The following CRAMP1 variants were observed in gnomAD, a reference collection of about 807,000 sequenced individuals.
The protein encoded by CRAMP1 is protein cramped-like.
Under a neutral mutation model 115.4 loss-of-function variants are expected in CRAMP1, and 50 were observed. The ratio of observed to expected loss-of-function variants is 0.43; its 90% CI spans 0.35 to 0.55. The LOEUF is 0.55. Ranked by LOEUF, CRAMP1 falls within the 20% of genes least tolerant of loss-of-function variation. The pLI is 0.01. For missense variants in CRAMP1, 1,679 were observed against 1,721.7 expected, an observed-to-expected ratio of 0.98 and a Z score of 0.44; for synonymous variants, 866 against 745.4, an observed-to-expected ratio of 1.16 and a Z score of -2.64.
At chr16:1,617,069 C>G (rs975588253) in intron 2 of CRAMP1, among the ~76,000 whole-genome samples, 5 of 152,040 alleles carry the variant, frequency 3.3e-5, no homozygotes, top group African/African-American at 1.2e-4. Context: ...TGTGATCCTC[C>G]CGCCTCAGCC....
intron 14 of CRAMP1, chr16:1,665,864 A>C (rs2036869827): frequency 1.8e-6 from 1 of 571,166 alleles, no homozygotes; most frequent in African/African-American, 1.9e-5. Flanking sequence ...TGGGAGGCAC[A>C]GTGGTGGGTG....
At position 1,667,342 on chromosome 16, in the gene CRAMP1, A is replaced by G. The variant is rs1307829380; in HGVS notation, c.3044A>G (p.Asp1015Gly). Residue 1015 changes from aspartate to glycine, a missense_variant, in exon 17 of 21, where the codon GAC becomes GGC. Around this residue, in one of 8 missense-constraint regions of CRAMP1, gnomAD observed 709 missense variants for 741.9 expected, o/e 0.96. Transcript: ENST00000397412. ...GGCGTGCTCTTCCTGCAGGGCTCCG[A>G]CCCATTTGTCAGCATCCCTTCGAGG... is the stretch of plus-strand genomic sequence containing the variant. ...GDTLPTVGGS[D>G]PFVSIPSRPE... The G allele has an allele frequency of 1.9e-6, 3 of 1,613,028 alleles. No homozygotes were observed. The highest frequency in any genetic ancestry group is 2.5e-6 in the Non-Finnish European group (3 of 1,179,760).
At chr16:1,628,184 A>G (rs1596484037) in intron 3 of CRAMP1, among the ~76,000 whole-genome samples, 1 of 152,210 alleles carries the variant, frequency 6.6e-6, no homozygotes, top group Non-Finnish European at 1.5e-5. Context: ...TGATCATGTA[A>G]TGCTTTCTGC....
intron 10 of CRAMP1, among the ~76,000 whole-genome samples, chr16:1,659,067 A>C (rs12596340): frequency 0.18 from 27,628 of 151,956 alleles, 3,344 homozygotes; most frequent in African/African-American, 0.33. Flanking sequence ...GGCCTGCACA[A>C]CCCCCAAAGT....
Position 1,637,921 on chromosome 16 carries a change from CTG to C in CRAMP1, c.778+17_778+18del, listed in dbSNP as rs749636201. On this transcript the variant is annotated intron_variant, in intron 5 of 20. Coordinates refer to ENST00000397412, the MANE Select transcript of CRAMP1 (RefSeq NM_020825.4). ...AGATTGGGGGCTGTGAGTACGCTGA[CTG>C]TGGGGTTGCCCACGGCTCCTCCTGT... The C allele has an allele frequency of 2.8e-6, 4 of 1,453,696 alleles. No individual in the cohort carries two copies. The highest frequency in any genetic ancestry group is 3.7e-6 in the Non-Finnish European group (4 of 1,081,654). 90.0% of individuals were successfully genotyped at this position (1,453,696 alleles called of 1,614,324 possible). A position where few individuals can be genotyped will look rare whatever the true frequency, so the allele number is the denominator to read the frequency against.
chr16:1,615,050 A>G, intron 2 of CRAMP1, 65 bp downstream of exon 2: 2 of 994,356 alleles, frequency 2.0e-6, no homozygotes, highest in Non-Finnish European at 2.6e-6. Flanking sequence ...GGGGAGAGGA[A>G]CCCCTCGCCC....
At chr16:1,641,242 C>G in intron 6 of CRAMP1, 55 bp downstream of exon 6, 1 of 1,282,096 alleles carries the variant, frequency 7.8e-7, no homozygotes, top group Non-Finnish European at 1.1e-6. Flanking sequence ...TGTGTTTATT[C>G]TCTAAAATAC....
In CRAMP1 at chr16:1,671,371, C is replaced by CGTGGTTT. The variant is rs2036920693; in HGVS notation, c.3645+566_3645+572dup. 6.6e-6 allele frequency among the ~76,000 whole-genome samples: 1 copy of CGTGGTTT among 152,156 alleles called. No individual in the cohort carries two copies. The highest frequency in any genetic ancestry group is 6.5e-5 in the Admixed American group (1 of 15,276). ...GCAGGTTCTTGAGGGGAAGGCGAAA[C>CGTGGTTT]GTGGTTTGTGACTCTCCACTTTTGA... On this transcript the variant is annotated intron_variant, in intron 20 of 20. Transcript: ENST00000397412. The surrounding 1 kb of genome is among the most constrained non-coding windows in gnomAD (Gnocchi z 5.0).
Position 1,669,940 on chromosome 16 carries a change from G to C in CRAMP1, c.3500-724G>C, listed in dbSNP as rs2036908457. Among the ~76,000 whole-genome samples the C allele has an allele frequency of 6.6e-6, 1 of 152,174 alleles. No homozygotes were observed. Among genetic ancestry groups the C allele is most frequent in the East Asian group, 1.9e-4 (1 of 5,186 alleles). On this transcript the variant is annotated intron_variant, in intron 19 of 20. Coordinates refer to ENST00000397412, the MANE Select transcript of CRAMP1 (RefSeq NM_020825.4). The surrounding 1 kb of genome is among the most constrained non-coding windows in gnomAD (Gnocchi z 4.6). ...TCCTTTTGTCTCATGTAGCAGTGCA[G>C]ATGTTTGGAAAGTCACACGTAAATC...
chr16:1,649,354 G>A (rs1266672215), intron 6 of CRAMP1, among the ~76,000 whole-genome samples: 2 of 152,186 alleles, frequency 1.3e-5, no homozygotes, highest in African/African-American at 2.4e-5. Flanking sequence ...GTAGAGGCAT[G>A]GTCAATGGAT....
chr16:1,652,956 G>T (rs2036737437), intron 7 of CRAMP1, 77 bp from the exon 8 acceptor site: 2 of 1,570,198 alleles, frequency 1.3e-6, no homozygotes, highest in Middle Eastern at 1.7e-4. Flanking sequence ...GATTTCACTG[G>T]TTTTTCTGGC....
In CRAMP1 at chr16:1,665,098, C is replaced by T. The variant is rs754321851; in HGVS notation, c.2712C>T (p.Asn904=). The T allele has an allele frequency of 1.2e-5, 20 of 1,613,198 alleles. No homozygotes were observed. The highest frequency in any genetic ancestry group is 1.1e-4 in the East Asian group (5 of 44,896). The change falls in exon 14 of 21, where the codon AAC becomes AAT. Residue 904 remains asparagine, a synonymous_variant. Transcript: ENST00000397412. Reference sequence around the variant, plus strand: ...GACCATCGGAAAACCAGTCCCACAACGTTTGTTCCTTCTCCATCCTGTCTA... The same window carrying T: ...GACCATCGGAAAACCAGTCCCACAATGTTTGTTCCTTCTCCATCCTGTCTA... ...LPRPSENQSH[N]VCSFSILSNS... is the part of the protein sequence containing the mutation.
chr16:1,647,243 C>T (rs1216313775), intron 6 of CRAMP1, among the ~76,000 whole-genome samples: 1 of 152,180 alleles, frequency 6.6e-6, no homozygotes, highest in African/African-American at 2.4e-5. Context: ...TTGAGTAAAG[C>T]TCTAAACTAA....
intron 11 of CRAMP1, 23 bp downstream of exon 11, chr16:1,660,086 C>A: frequency 6.6e-7 from 1 of 1,514,462 alleles, no homozygotes; most frequent in Non-Finnish European, 8.8e-7. Context: ...CAGCCACACT[C>A]CTTGTGCCTG....
chr16:1,660,035 C>T lies in CRAMP1; in HGVS notation c.2385C>T (p.Phe795=). 3 of 1,596,806 alleles carry T rather than the reference C, an allele frequency of 1.9e-6. No homozygotes were observed. The highest frequency in any genetic ancestry group is 2.5e-6 in the Non-Finnish European group (3 of 1,177,956). ...NQASLRSSKT[F]PPSSAPCSSG... ...CCTCCCTCCGCAGCAGCAAGACCTT[C>T]CCGCCCAGCTCTGCACCCTGCTCCT... The change falls in exon 11 of 21, where the codon TTC becomes TTT. Residue 795 remains phenylalanine, a synonymous_variant. Transcript: ENST00000397412.
Position 1,626,075 on chromosome 16 carries a change from G to A in CRAMP1, c.449G>A (p.Gly150Asp). The change falls in exon 3 of 21, where the codon GGT becomes GAT. Residue 150 changes from glycine to aspartate, a missense_variant. Gly to Asp is a moderately conservative substitution (Grantham distance 94). This residue lies in a region of CRAMP1 where 264 missense variants were observed against 229.7 expected (regional missense o/e 1.15). Transcript: ENST00000397412. ...RSSSRNLGSS[G>D]GEKEEGKKVR... ...TCCTCCCGGAACTTAGGGTCTTCTG[G>A]TGGCGAGAAGGAAGAAGGCAAAAAG... is the stretch of plus-strand genomic sequence containing the variant. 3 of 1,551,476 alleles carry A rather than the reference G, an allele frequency of 1.9e-6. No individual in the cohort carries two copies. The highest frequency in any genetic ancestry group is 2.6e-6 in the Non-Finnish European group (3 of 1,146,860).
chr16:1,655,106 A>G lies in CRAMP1; in HGVS notation c.1038-113A>G, dbSNP rs2036759091. 20 of 915,234 alleles carry G rather than the reference A, an allele frequency of 2.2e-5. No homozygotes were observed. The South Asian group carries it at 2.6e-4, about 12-fold the overall frequency. 56.7% of individuals were successfully genotyped at this position (915,234 alleles called of 1,614,324 possible). ...GACGCCCGCTCCCGGGTGCCTCTCC[A>G]GAGGTCCCTTGTCTCTTTTGGCACC... On this transcript the variant is annotated intron_variant, in intron 8 of 20. Coordinates refer to ENST00000397412, the MANE Select transcript of CRAMP1 (RefSeq NM_020825.4).
At chr16:1,642,634 G>A (rs1039801523) in intron 6 of CRAMP1, among the ~76,000 whole-genome samples, 1 of 152,226 alleles carries the variant, frequency 6.6e-6, no homozygotes, top group Non-Finnish European at 1.5e-5. Context: ...AGCAGCACTG[G>A]GCACATTGGA....
chr16:1,626,674 C>T (rs2036510857), intron 3 of CRAMP1, among the ~76,000 whole-genome samples: 1 of 152,168 alleles, frequency 6.6e-6, no homozygotes, highest in South Asian at 2.1e-4. Context: ...CCAGTGAATG[C>T]CCGTGCTCCC....
Sources: allele counts gnomAD v4.1 joint callset (sites outside exome capture counted in the v4.1 genomes callset), GRCh38; gene constraint gnomAD v4.1.1; regional missense constraint gnomAD v4.1.1; non-coding constraint Gnocchi (gnomAD v3.1); transcripts MANE v1.5; gene names NCBI Gene and HGNC (gene_info 2026-07-23, HGNC 2026-07-21).